Variants in JADE3 observed in about 807,000 individuals in gnomAD.
JADE3 encodes the protein protein Jade-3.
JADE3 carries 2 observed loss-of-function variants against 50.1 expected under a neutral mutation model. The observed-to-expected ratio is 0.04, with a 90% CI of 0.02 to 0.13. The LOEUF (loss-of-function observed/expected upper bound fraction) is 0.13. Among genes scored for constraint, JADE3 ranks in the 10% least tolerant of loss-of-function variants. JADE3 has a pLI of 1.00. For synonymous variants in JADE3, 218 were observed against 232.9 expected, an observed-to-expected ratio of 0.94 and a Z score of 0.58; for missense variants, 475 against 634.4, an observed-to-expected ratio of 0.75 and a Z score of 2.70.
intron 4 of JADE3, among the ~76,000 whole-genome samples, chrX:47,023,357 C>G (rs781976282): frequency 4.5e-5 from 5 of 111,420 alleles, no homozygotes; most frequent in South Asian, 7.6e-4. Context: ...TAAGTGAGAA[C>G]ATGCAGGTTT....
At chrX:47,053,258 AT>A (rs1449958653) in intron 8 of JADE3, among the ~76,000 whole-genome samples, 170 of 110,295 alleles carry the variant, frequency 1.5e-3, no homozygotes, top group African/African-American at 5.4e-3. Flanking sequence ...ATTTTTAAAT[AT>A]TTTAAAAAAT....
At chrX:47,034,794 A>G (rs1375421581) in intron 7 of JADE3, among the ~76,000 whole-genome samples, 1 of 79,528 alleles carries the variant, frequency 1.3e-5, no homozygotes, top group African/African-American at 4.8e-5. Context: ...TGGTATTTTT[A>G]GTAGAGACGG....
chrX:47,006,752 G>A (rs188655777), intron 4 of JADE3, among the ~76,000 whole-genome samples: 1 of 110,415 alleles, frequency 9.1e-6, no homozygotes, highest in African/African-American at 3.3e-5. Context: ...ATGTAAGCAT[G>A]TAGTACTATA....
At chrX:47,027,866 G>T in intron 5 of JADE3, 26 bp from the exon 6 acceptor site, 2 of 1,169,811 alleles carry the variant, frequency 1.7e-6, no homozygotes, top group Non-Finnish European at 2.3e-6. Context: ...CTGATGGGTT[G>T]ATTGATTGTT....
chrX:46,954,629 G>A (rs1368599215), intron 1 of JADE3, among the ~76,000 whole-genome samples: 2 of 110,710 alleles, frequency 1.8e-5, no homozygotes, highest in African/African-American at 6.6e-5. Flanking sequence ...ATCTCGGCTC[G>A]CTGCAGCCTC....
At chrX:47,042,408 C>T (rs1250858877) in intron 8 of JADE3, among the ~76,000 whole-genome samples, 1 of 111,368 alleles carries the variant, frequency 9.0e-6, no homozygotes, top group Non-Finnish European at 1.9e-5. Context: ...ATACCCGAAT[C>T]TAGTAGACAG....
chrX:47,041,896 C>G (rs782805498), intron 8 of JADE3, among the ~76,000 whole-genome samples: 5 of 111,261 alleles, frequency 4.5e-5, no homozygotes, highest in African/African-American at 1.6e-4. Context: ...AGGCTGGTCT[C>G]GAACCTCAGG....
chrX:47,016,628 A>G (rs1928682957), intron 4 of JADE3, among the ~76,000 whole-genome samples: 1 of 111,452 alleles, frequency 9.0e-6, no homozygotes, highest in African/African-American at 3.3e-5. Context: ...AATAAAAGGC[A>G]TATCAAAGGA....
intron 1 of JADE3, among the ~76,000 whole-genome samples, chrX:46,936,992 G>A (rs1372611739): frequency 1.8e-5 from 2 of 110,813 alleles, no homozygotes; most frequent in Non-Finnish European, 3.8e-5. Context: ...GATTTATTTT[G>A]CTCTTCTTTT....
At chrX:46,918,561 A>C (rs1231913706) in intron 1 of JADE3, among the ~76,000 whole-genome samples, 1 of 112,276 alleles carries the variant, frequency 8.9e-6, no homozygotes, top group Non-Finnish European at 1.9e-5. Flanking sequence ...TCCCCTTCCC[A>C]TAAGTACTAG....
At position 47,047,879 on chromosome X, in the gene JADE3, A is replaced by G. The variant is rs782648993; in HGVS notation, c.973-6279A>G. The stretch of plus-strand genomic sequence containing the variant: ...GTTATACTCACAGTTATAGTTTATT[A>G]TAGTGAAAAGATACAGATTTAAAAT... On this transcript the variant is annotated intron_variant, in intron 8 of 10. Transcript: ENST00000614628. Among the ~76,000 whole-genome samples the G allele has an allele frequency of 1.6e-4, 18 of 111,992 alleles. 1 individual carries two copies. Among genetic ancestry groups the G allele is most frequent in the Admixed American group, 3.8e-4 (4 of 10,512 alleles).
intron 4 of JADE3, among the ~76,000 whole-genome samples, chrX:47,000,744 G>T (rs982060182): frequency 9.0e-6 from 1 of 110,519 alleles, no homozygotes; most frequent in Non-Finnish European, 1.9e-5. Context: ...TAGAGACGGG[G>T]TTTCACCATG....
intron 3 of JADE3, 118 bp downstream of exon 3, chrX:46,985,910 GATCATGGGAATATATCCCTC>G: frequency 2.0e-6 from 1 of 509,879 alleles, no homozygotes. Flanking sequence ...GAGATGTTTG[GATCATGGGAATATATCCCTC>G]ATAAATAGAT....
At position 47,059,358 on chromosome X, in the gene JADE3, G is replaced by A. The variant is rs1243779249; in HGVS notation, c.*281G>A. 5 of 278,765 alleles carry A rather than the reference G, an allele frequency of 1.8e-5. No homozygotes were observed. Among genetic ancestry groups the A allele is most frequent in the Non-Finnish European group, 3.1e-5 (5 of 160,389 alleles). 23.0% of individuals were successfully genotyped at this position (278,765 alleles called of 1,213,427 possible). A position where few individuals can be genotyped will look rare whatever the true frequency, so the allele number is the denominator to read the frequency against. ...AGTAAATATTTTGGGGCAGCTTTCC[G>A]GTTATATAACACATTGACAAGTATA... is the stretch of plus-strand genomic sequence containing the variant. On this transcript the variant is annotated 3_prime_UTR_variant, in exon 11 of 11. Coordinates refer to ENST00000614628, the MANE Select transcript of JADE3 (RefSeq NM_014735.5).
At position 46,998,181 on chromosome X, in the gene JADE3, A is replaced by G. The variant is rs1928180285; in HGVS notation, c.188A>G (p.Asp63Gly). 1 of 1,203,980 alleles carries G rather than the reference A, an allele frequency of 8.3e-7. No homozygotes were observed. Among genetic ancestry groups the G allele is most frequent in the Non-Finnish European group, 1.1e-6 (1 of 888,837 alleles). Residue 63 changes from aspartate to glycine, a missense_variant, in exon 4 of 11, where the codon GAT becomes GGT. By Grantham distance (94) the Asp-to-Gly change is moderately conservative. Coordinates refer to ENST00000614628, the MANE Select transcript of JADE3 (RefSeq NM_014735.5). ...KLPDSHHINP[D>G]SYYLFADTWK... ...CCAGATTCTCACCACATTAATCCTG[A>G]TAGCTATTACCTCTTTGCTGATACA...
At chrX:46,917,765 TTCTC>T (rs781969667) in intron 1 of JADE3, among the ~76,000 whole-genome samples, 8 of 90,259 alleles carry the variant, frequency 8.9e-5, no homozygotes, top group Admixed American at 2.4e-4. Context: ...AGGTGTTTCT[TTCTC>T]TCTCTCTCTC....
At chrX:47,002,212 A>G (rs1342497925) in intron 4 of JADE3, among the ~76,000 whole-genome samples, 4 of 110,395 alleles carry the variant, frequency 3.6e-5, no homozygotes, top group East Asian at 2.8e-4. Context: ...ATATTCTTCT[A>G]TGTTTTCTTT....
chrX:46,920,523 T>C (rs1926199402), intron 1 of JADE3, among the ~76,000 whole-genome samples: 1 of 112,882 alleles, frequency 8.9e-6, no homozygotes, highest in South Asian at 3.6e-4. Context: ...GTGGTAAACA[T>C]TAGTGTACAG....
At chrX:46,936,164 G>A (rs782477976) in intron 1 of JADE3, among the ~76,000 whole-genome samples, 7 of 109,263 alleles carry the variant, frequency 6.4e-5, no homozygotes, top group African/African-American at 1.7e-4. Flanking sequence ...GATTACAGGC[G>A]CCTGCTACCA....
Sources: allele counts gnomAD v4.1 joint callset (sites outside exome capture counted in the v4.1 genomes callset), GRCh38; gene constraint gnomAD v4.1.1; transcripts MANE v1.5; gene names NCBI Gene and HGNC (gene_info 2026-07-23, HGNC 2026-07-21).